The following SH3BP4 variants were observed in gnomAD, a reference collection of about 807,000 sequenced individuals.
The protein encoded by SH3BP4 is SH3 domain-binding protein 4.
A neutral mutation model predicts 65.5 loss-of-function variants in SH3BP4; 33 were observed. That is an observed-to-expected ratio of 0.50 (90% confidence interval 0.38 to 0.67). The LOEUF is 0.67. Among genes scored for constraint, SH3BP4 ranks in the 30% least tolerant of loss-of-function variants. The pLI, the probability that SH3BP4 is intolerant of heterozygous loss-of-function variation, is 0.00. For missense variants in SH3BP4, 1,134 were observed against 1,261.4 expected, an observed-to-expected ratio of 0.90 and a Z score of 1.53; for synonymous variants, 552 against 545.5, an observed-to-expected ratio of 1.01 and a Z score of -0.17.
rs377640440 is a variant in SH3BP4, at chr2:235,053,855, C to T, written c.*39C>T. 26 of 1,478,804 alleles carry T rather than the reference C, an allele frequency of 1.8e-5. No homozygotes were observed. The African/African-American group carries it at 3.2e-4, about 18-fold the overall frequency. The allele number at this position is 1,478,804 out of a possible 1,614,324, so 91.6% of individuals were successfully genotyped here. On this transcript the variant is annotated 3_prime_UTR_variant, in exon 6 of 6. Transcript: ENST00000392011. ...CCTCCTGCTGCTCTGGAGTGCAAGC[C>T]CTCTTCTGCCCTGCGTGCCCTGCTG...
intron 2 of SH3BP4, among the ~76,000 whole-genome samples, chr2:235,020,096 C>T (rs553808838): frequency 6.6e-6 from 1 of 152,172 alleles, no homozygotes; most frequent in Admixed American, 6.5e-5. Context: ...GAAACAGACA[C>T]CACTGAGCTG....
At chr2:235,006,631 G>A (rs1694304800) in intron 2 of SH3BP4, among the ~76,000 whole-genome samples, 2 of 152,136 alleles carry the variant, frequency 1.3e-5, no homozygotes, top group Admixed American at 1.3e-4. Flanking sequence ...GCTTTGCCAG[G>A]GGCCACCCAG....
intron 4 of SH3BP4, among the ~76,000 whole-genome samples, chr2:235,049,853 T>C (rs1009647405): frequency 2.6e-5 from 4 of 152,182 alleles, no homozygotes; most frequent in Non-Finnish European, 5.9e-5. Flanking sequence ...CACTTCCAGC[T>C]GTGGGACCCG....
chr2:234,966,906 A>G (rs1692850950), intron 1 of SH3BP4, among the ~76,000 whole-genome samples: 1 of 152,382 alleles, frequency 6.6e-6, no homozygotes, highest in African/African-American at 2.4e-5. Flanking sequence ...AATATTAAAA[A>G]TACATAATCC....
chr2:234,992,819 G>T (rs1398821364), intron 1 of SH3BP4, among the ~76,000 whole-genome samples: 1 of 150,600 alleles, frequency 6.6e-6, no homozygotes, highest in Non-Finnish European at 1.5e-5. Context: ...TGCATCAGGA[G>T]CCCCTAGAGA....
rs1325679161 is a variant in SH3BP4, at chr2:234,976,538, A to G, written c.-206-18765A>G. Among the ~76,000 whole-genome samples the G allele has an allele frequency of 6.6e-6, 1 of 151,996 alleles. No individual in the cohort carries two copies. The highest frequency in any genetic ancestry group is 2.1e-4 in the South Asian group (1 of 4,810). On this transcript the variant is annotated intron_variant, in intron 1 of 5. Coordinates refer to ENST00000392011, the MANE Select transcript of SH3BP4 (RefSeq NM_014521.3). The surrounding 1 kb of genome is among the most constrained non-coding windows in gnomAD (Gnocchi z 4.7). ...CGGGGCTTCTTGTTTCATGATAAAT[A>G]CAGAAGCCGATGTTTACCCGCCTCT...
intron 3 of SH3BP4, among the ~76,000 whole-genome samples, chr2:235,039,670 T>C (rs58767964): frequency 0.22 from 32,973 of 152,032 alleles, 5,152 homozygotes; most frequent in East Asian, 0.42. Flanking sequence ...TCTGAATATA[T>C]CTTCTCATTT....
At chr2:235,011,533 A>G (rs1044597158) in intron 2 of SH3BP4, among the ~76,000 whole-genome samples, 18 of 152,150 alleles carry the variant, frequency 1.2e-4, no homozygotes, top group African/African-American at 4.3e-4. Flanking sequence ...ACTCAGTTCC[A>G]CCCATAACAG....
chr2:235,017,019 T>C (rs10048668), intron 2 of SH3BP4, among the ~76,000 whole-genome samples: 45,266 of 148,142 alleles, frequency 0.31, 11,020 homozygotes, highest in African/African-American at 0.67. Flanking sequence ...GATCTCACTT[T>C]CGGCAGCGAG....
Position 235,052,784 on chromosome 2 carries a change from C to G in SH3BP4, c.2667+34C>G. 6.5e-7 allele frequency: 1 copy of G among 1,531,408 alleles called. No individual in the cohort carries two copies. Among genetic ancestry groups the G allele is most frequent in the Non-Finnish European group, 8.8e-7 (1 of 1,139,610 alleles). 94.9% of individuals were successfully genotyped at this position (1,531,408 alleles called of 1,614,324 possible). A position where few individuals can be genotyped will look rare whatever the true frequency, so the allele number is the denominator to read the frequency against. On this transcript the variant is annotated intron_variant, in intron 5 of 5. Coordinates refer to ENST00000392011, the MANE Select transcript of SH3BP4 (RefSeq NM_014521.3). This position sits in a 1 kb window ranked among gnomAD's most constrained non-coding sequence, Gnocchi z 5.0. ...CGGCTGAGCTTCGAGCTCACCGAGCCCCTCTGTCCCTGGGTTCCGTGGACC... is the reference window on the plus strand; with the variant it reads ...CGGCTGAGCTTCGAGCTCACCGAGCGCCTCTGTCCCTGGGTTCCGTGGACC...
At position 234,991,283 on chromosome 2, in the gene SH3BP4, C is replaced by T. The variant is rs1162646050; in HGVS notation, c.-206-4020C>T. Among the ~76,000 whole-genome samples the T allele has an allele frequency of 2.0e-5, 3 of 152,144 alleles. No homozygotes were observed. The highest frequency in any genetic ancestry group is 7.2e-5 in the African/African-American group (3 of 41,424). On this transcript the variant is annotated intron_variant, in intron 1 of 5. Transcript: ENST00000392011. This position sits in a 1 kb window ranked among gnomAD's most constrained non-coding sequence, Gnocchi z 4.2. Reference sequence around the variant, plus strand: ...TCATATCATTTATCCACTCACCCTCCCAGACCCTCTGAGGTGGGATCAACT... The same window carrying T: ...TCATATCATTTATCCACTCACCCTCTCAGACCCTCTGAGGTGGGATCAACT...
At chr2:234,969,618 A>G (rs746677978) in intron 1 of SH3BP4, among the ~76,000 whole-genome samples, 12 of 152,156 alleles carry the variant, frequency 7.9e-5, no homozygotes, top group Non-Finnish European at 1.5e-4. Context: ...TCGTGGTTGT[A>G]CAGAATAAGC....
chr2:235,041,186 G>A lies in SH3BP4; in HGVS notation c.417G>A (p.Leu139=), dbSNP rs1286064823. 7 of 1,614,170 alleles carry A rather than the reference G, an allele frequency of 4.3e-6. No homozygotes were observed. Among genetic ancestry groups the A allele is most frequent in the East Asian group, 4.5e-5 (2 of 44,878 alleles). ...PDSPDEVAKE[L]ELLGGWTDDK... is the part of the protein sequence containing the mutation. The stretch of plus-strand genomic sequence containing the variant: ...GCCCAGACGAGGTAGCCAAGGAGCT[G>A]GAGCTGCTCGGGGGATGGACAGATG... Residue 139 remains leucine (L), a synonymous_variant, in exon 4 of 6, where the codon CTG becomes CTA. Transcript: ENST00000392011. This position sits in a 1 kb window ranked among gnomAD's most constrained non-coding sequence, Gnocchi z 6.0.
At chr2:235,044,893 G>A (rs1212797616) in intron 4 of SH3BP4, among the ~76,000 whole-genome samples, 3 of 152,220 alleles carry the variant, frequency 2.0e-5, no homozygotes, top group East Asian at 3.9e-4. Flanking sequence ...ATTGCCCAGG[G>A]GAGGGAGATG....
At chr2:234,973,653 AT>A (rs11325363) in intron 1 of SH3BP4, among the ~76,000 whole-genome samples, 56,453 of 145,118 alleles carry the variant, frequency 0.39, 11,136 homozygotes, top group Middle Eastern at 0.52. Flanking sequence ...TAAAGCCTGG[AT>A]TTTTTTTTTT....
At chr2:235,038,370 T>TAC (rs1294834755) in intron 3 of SH3BP4, among the ~76,000 whole-genome samples, 5 of 43,914 alleles carry the variant, frequency 1.1e-4, no homozygotes, top group Non-Finnish European at 1.8e-4. Context: ...ATATATAATA[T>TAC]ATATACATAT....
Position 235,046,277 on chromosome 2 carries a change from G to A in SH3BP4, c.2478+3030G>A, listed in dbSNP as rs567258245. 9.2e-5 allele frequency among the ~76,000 whole-genome samples: 14 copies of A among 152,290 alleles called. No individual in the cohort carries two copies. Among genetic ancestry groups the A allele is most frequent in the African/African-American group, 2.6e-4 (11 of 41,556 alleles). ...CCATGGTGTTTCTTGAATCAGAAGCGGTTTGTTTTGGCCAGGCATGGAGGT... is the reference window on the plus strand; with the variant it reads ...CCATGGTGTTTCTTGAATCAGAAGCAGTTTGTTTTGGCCAGGCATGGAGGT... On this transcript the variant is annotated intron_variant, in intron 4 of 5. Transcript: ENST00000392011. This position sits in a 1 kb window ranked among gnomAD's most constrained non-coding sequence, Gnocchi z 4.2.
intron 1 of SH3BP4, among the ~76,000 whole-genome samples, chr2:234,955,174 C>T (rs147758072): frequency 3.9e-4 from 60 of 152,220 alleles, no homozygotes; most frequent in African/African-American, 1.4e-3. Context: ...ACCAGGAATC[C>T]GAAAAGGTCA....
At chr2:234,993,992 GGC>G (rs1693834961) in intron 1 of SH3BP4, among the ~76,000 whole-genome samples, 1 of 152,094 alleles carries the variant, frequency 6.6e-6, no homozygotes, top group Non-Finnish European at 1.5e-5. Flanking sequence ...ACATTGTTGC[GGC>G]CTTTTTCGTA....
Sources: gnomAD v4.1 joint callset for allele counts (sites outside exome capture counted in the v4.1 genomes callset) on GRCh38, gnomAD v4.1.1 for gene constraint, Gnocchi (gnomAD v3.1) non-coding constraint, MANE v1.5 for transcripts, NCBI Gene and HGNC (gene_info 2026-07-23, HGNC 2026-07-21) for gene names.